ADAMTSL1: variants seen among roughly 807,000 people sequenced by gnomAD.
The protein encoded by ADAMTSL1 is ADAMTS like 1, also known as ADAMTS-like protein 1.
A neutral mutation model predicts 201.8 loss-of-function variants in ADAMTSL1; 126 were observed. The observed-to-expected ratio is 0.62, with a 90% CI of 0.54 to 0.72. The LOEUF is 0.72. Ranked by LOEUF, ADAMTSL1 falls within the 30% of genes least tolerant of loss-of-function variation. The pLI is 0.00. For missense variants in ADAMTSL1, 2,679 were observed against 2,277.8 expected, an observed-to-expected ratio of 1.18 and a Z score of -3.59; for synonymous variants, 1,121 against 903.4, an observed-to-expected ratio of 1.24 and a Z score of -4.32.
chr9:18,879,259 T>C (rs541155612), intron 23 of ADAMTSL1, among the ~76,000 whole-genome samples: 1 of 152,288 alleles, frequency 6.6e-6, no homozygotes, highest in East Asian at 1.9e-4. Context: ...AATGAACCTT[T>C]AAAATCATCA....
At chr9:18,219,488 C>A (rs1830176725) in intron 2 of ADAMTSL1, among the ~76,000 whole-genome samples, 1 of 151,988 alleles carries the variant, frequency 6.6e-6, no homozygotes, top group African/African-American at 2.4e-5. Context: ...CATGCCTTAG[C>A]CTCCTGAGTA....
intron 23 of ADAMTSL1, among the ~76,000 whole-genome samples, chr9:18,884,182 C>T (rs1439324676): frequency 1.3e-5 from 2 of 152,118 alleles, no homozygotes; most frequent in African/African-American, 4.8e-5. Flanking sequence ...AGCATCTTTT[C>T]ATGTGTTTAT....
At chr9:18,304,306 A>G (rs1474176778) in intron 2 of ADAMTSL1, among the ~76,000 whole-genome samples, 1 of 151,878 alleles carries the variant, frequency 6.6e-6, no homozygotes, top group Non-Finnish European at 1.5e-5. Flanking sequence ...CCTACCCTCA[A>G]CATGCCCTGA....
intron 2 of ADAMTSL1, among the ~76,000 whole-genome samples, chr9:18,205,944 C>G (rs1424497709): frequency 3.3e-5 from 5 of 150,274 alleles, no homozygotes; most frequent in Non-Finnish European, 7.4e-5. Context: ...ATCCCAGCTA[C>G]TTGGGAGGCT....
intron 15 of ADAMTSL1, among the ~76,000 whole-genome samples, chr9:18,745,674 A>G (rs907504668): frequency 3.9e-5 from 6 of 152,206 alleles, no homozygotes; most frequent in Non-Finnish European, 2.9e-5. Flanking sequence ...ATAGTTGTAT[A>G]TACTCATTTA....
At chr9:18,429,372 C>T (rs1819379915) in intron 2 of ADAMTSL1, among the ~76,000 whole-genome samples, 1 of 152,126 alleles carries the variant, frequency 6.6e-6, no homozygotes, top group South Asian at 2.1e-4. Flanking sequence ...AGTAACTTTG[C>T]ATTACATACC....
chr9:18,074,263 A>G (rs907995266), intron 1 of ADAMTSL1, among the ~76,000 whole-genome samples: 11 of 152,076 alleles, frequency 7.2e-5, no homozygotes, highest in African/African-American at 2.7e-4. Flanking sequence ...ATTTTCTTTC[A>G]AAAAACTATG....
At chr9:18,320,632 G>T (rs1462794242) in intron 2 of ADAMTSL1, among the ~76,000 whole-genome samples, 1 of 152,002 alleles carries the variant, frequency 6.6e-6, no homozygotes, top group East Asian at 1.9e-4. Context: ...AAAAATAGCT[G>T]GTTTTTAATG....
intron 20 of ADAMTSL1, among the ~76,000 whole-genome samples, chr9:18,812,831 G>T (rs182416366): frequency 1.3e-5 from 2 of 152,206 alleles, no homozygotes; most frequent in South Asian, 2.1e-4. Flanking sequence ...CTGTAAGTAC[G>T]TGGATTCATT....
intron 2 of ADAMTSL1, among the ~76,000 whole-genome samples, chr9:18,355,873 A>C (rs1009252228): frequency 6.6e-6 from 1 of 152,166 alleles, no homozygotes; most frequent in African/African-American, 2.4e-5. Flanking sequence ...TTAACCAGGC[A>C]TGGTGGTAGC....
chr9:18,548,241 T>C (rs1364034015), intron 3 of ADAMTSL1, among the ~76,000 whole-genome samples: 1 of 152,072 alleles, frequency 6.6e-6, no homozygotes, highest in African/African-American at 2.4e-5. Context: ...CCAGCTGTGG[T>C]TGAACAAGGG....
chr9:18,399,558 C>A (rs997006667), intron 2 of ADAMTSL1, among the ~76,000 whole-genome samples: 6 of 151,026 alleles, frequency 4.0e-5, no homozygotes, highest in African/African-American at 7.3e-5. Flanking sequence ...GGCTGGTGAA[C>A]CAGGCTGGTC....
In ADAMTSL1 at chr9:18,583,657, C is replaced by T. The variant is rs1333292522; in HGVS notation, c.474+9391C>T. On this transcript the variant is annotated intron_variant, in intron 4 of 28. Coordinates refer to ENST00000380548, the MANE Select transcript of ADAMTSL1 (RefSeq NM_001040272.6). ...CTGGATAAGCTGCAGTCACTCAACA[C>T]CAGCCAGTAAAAGCAGCCGGGAAGG... is the stretch of plus-strand genomic sequence containing the variant. Among the ~76,000 whole-genome samples, 5 of 152,186 alleles carry T rather than the reference C, an allele frequency of 3.3e-5. No individual in the cohort carries two copies. The South Asian group carries it at 8.3e-4, about 25-fold the overall frequency.
At position 18,746,919 on chromosome 9, in the gene ADAMTSL1, C is replaced by T. The variant is rs965182350; in HGVS notation, c.2007-6379C>T. 1.5e-4 allele frequency among the ~76,000 whole-genome samples: 23 copies of T among 152,268 alleles called. 1 individual carries two copies. Among genetic ancestry groups the T allele is most frequent in the Admixed American group, 1.2e-3 (19 of 15,296 alleles). On this transcript the variant is annotated intron_variant, in intron 15 of 28. Transcript: ENST00000380548. ...AAAAACTAACACTTGGGGAAGACCA[C>T]ACTCTGCCTTTGCCCATTTGGCTGC...
chr9:18,252,129 GTTAGGAGAAAAGT>G (rs945462970), intron 2 of ADAMTSL1, among the ~76,000 whole-genome samples: 8 of 152,186 alleles, frequency 5.3e-5, no homozygotes, highest in Admixed American at 1.3e-4. Flanking sequence ...AAAATGAGCG[GTTAGGAGAAAAGT>G]TTAGGAGAAA....
intron 2 of ADAMTSL1, among the ~76,000 whole-genome samples, chr9:18,206,976 C>A (rs1385070279): frequency 6.6e-6 from 1 of 151,918 alleles, no homozygotes; most frequent in Non-Finnish European, 1.5e-5. Context: ...ATCAGCCTGG[C>A]CAACATGGTG....
At chr9:18,466,219 AAG>A (rs1821000300) in intron 2 of ADAMTSL1, among the ~76,000 whole-genome samples, 1 of 152,166 alleles carries the variant, frequency 6.6e-6, no homozygotes. Flanking sequence ...CACATGTAAA[AAG>A]AGATAAAATG....
chr9:18,816,720 C>CTTTTT (rs751791974), intron 20 of ADAMTSL1, among the ~76,000 whole-genome samples: 12 of 39,752 alleles, frequency 3.0e-4, no homozygotes, highest in African/African-American at 5.2e-4. Context: ...AACCCTTGGT[C>CTTTTT]TTTTTTTTTT....
At chr9:18,808,414 A>C (rs543032330) in intron 20 of ADAMTSL1, among the ~76,000 whole-genome samples, 3 of 152,234 alleles carry the variant, frequency 2.0e-5, no homozygotes, top group Non-Finnish European at 4.4e-5. Flanking sequence ...CATGAAAGTA[A>C]TAAGAATGTA....
Sources: allele counts gnomAD v4.1 joint callset (sites outside exome capture counted in the v4.1 genomes callset), GRCh38; gene constraint gnomAD v4.1.1; transcripts MANE v1.5; gene names NCBI Gene and HGNC (gene_info 2026-07-23, HGNC 2026-07-21).